Variants in SARDH observed in about 807,000 individuals in gnomAD.
SARDH encodes sarcosine dehydrogenase, mitochondrial.
In SARDH, 95 loss-of-function variants were observed where a neutral mutation model predicts 109.1. The ratio of observed to expected loss-of-function variants is 0.87; its 90% confidence interval spans 0.74 to 1.03. SARDH has a LOEUF of 1.03. SARDH is among the 50% of genes least tolerant of loss of function. The pLI is 0.00. For missense variants in SARDH, 1,267 were observed against 1,287.8 expected (o/e 0.98, Z 0.25); for synonymous variants, 572 against 534.8 (o/e 1.07, Z -0.96).
intron 14 of SARDH, among the ~76,000 whole-genome samples, chr9:133,694,706 C>T (rs1429514730): frequency 6.6e-6 from 1 of 152,178 alleles, no homozygotes; most frequent in Non-Finnish European, 1.5e-5. Flanking sequence ...AGGATTCATG[C>T]CCCCCGTTCA....
intron 6 of SARDH, among the ~76,000 whole-genome samples, chr9:133,723,967 A>G (rs1832408177): frequency 6.6e-6 from 1 of 152,230 alleles, no homozygotes; most frequent in African/African-American, 2.4e-5. Context: ...AGGCATAAGT[A>G]TAAGAGCTAA....
At chr9:133,660,415 G>A (rs1274488519), downstream of SARDH, among the ~76,000 whole-genome samples, 2 of 152,104 alleles carry the variant, frequency 1.3e-5, no homozygotes, top group African/African-American at 4.8e-5. Flanking sequence ...TAGGAAACAG[G>A]AATTTCCCCA....
chr9:133,708,277 G>A lies in SARDH; in HGVS notation c.1470+10C>T. On this transcript the variant is annotated intron_variant, in intron 11 of 20. Transcript: ENST00000439388. ...CTGCCAGTCCCCAGCAGGAGCTGTA[G>A]GGGCGTTACCTCGTGCAGCGGGTCT... 7.5e-6 allele frequency: 12 copies of A among 1,610,068 alleles called. No individual in the cohort carries two copies. Among genetic ancestry groups the A allele is most frequent in the Non-Finnish European group, 1.0e-5 (12 of 1,178,194 alleles).
At position 133,670,734 on chromosome 9, in the gene SARDH, G is replaced by C. The variant is rs141409671; in HGVS notation, c.2345C>G (p.Ala782Gly). Residue 782 changes from alanine (A) to glycine (G), a missense_variant, in exon 19 of 21, where the codon GCG (alanine) becomes GGG (glycine). Ala to Gly is a moderately conservative substitution (Grantham distance 60). Coordinates refer to ENST00000439388, the MANE Select transcript of SARDH (RefSeq NM_001134707.2). ...SIEKGYRHWH[A>G]DLRPDDSPLE... ...GGGGCTGTCGTCTGGCCGCAGGTCC[G>C]CGTGCCAGTGCCGGTAGCCTGTGGG... is the stretch of plus-strand genomic sequence containing the variant. The C allele has an allele frequency of 5.0e-6, 8 of 1,585,764 alleles. No homozygotes were observed. The highest frequency in any genetic ancestry group is 4.6e-5 in the South Asian group (4 of 86,628).
At chr9:133,689,698 C>T (rs2519070) in intron 16 of SARDH, among the ~76,000 whole-genome samples, 56,917 of 151,916 alleles carry the variant, frequency 0.37, 10,889 homozygotes, top group Middle Eastern at 0.46. Flanking sequence ...AGGTGCTCCA[C>T]TGGTGGCTGC....
Position 133,734,021 on chromosome 9 carries a change from G to A in SARDH, c.153C>T (p.Gly51=), listed in dbSNP as rs149534547. 18 of 1,613,098 alleles carry A rather than the reference G, an allele frequency of 1.1e-5. No individual in the cohort carries two copies. In the African/African-American group the frequency reaches 2.3e-4, roughly 20 times the overall value. The stretch of plus-strand genomic sequence containing the variant: ...TTGGGCCTTGGGCCACCACCGAGGT[G>A]CCCTGTCCCTCCTTCAGGGTCCGCT... The part of the protein sequence containing the change: ...PYQRTLKEGQ[G]TSVVAQGPSR... The change falls in exon 2 of 21, where the codon GGC becomes GGT. Residue 51 remains glycine, a synonymous_variant. Coordinates refer to ENST00000439388, the MANE Select transcript of SARDH (RefSeq NM_001134707.2).
intron 3 of SARDH, among the ~76,000 whole-genome samples, chr9:133,731,719 G>C (rs915680698): frequency 6.6e-6 from 1 of 152,264 alleles, no homozygotes; most frequent in Non-Finnish European, 1.5e-5. Flanking sequence ...ACCCTCGCCA[G>C]CTGTGTGACC....
chr9:133,723,123 G>C (rs1832382157), intron 6 of SARDH, among the ~76,000 whole-genome samples: 1 of 152,100 alleles, frequency 6.6e-6, no homozygotes, highest in African/African-American at 2.4e-5. Context: ...ACTTTCGAAA[G>C]AAATTAAAGA....
At chr9:133,672,765 G>A (rs1250970857) in intron 17 of SARDH, among the ~76,000 whole-genome samples, 3 of 152,238 alleles carry the variant, frequency 2.0e-5, no homozygotes, top group Non-Finnish European at 4.4e-5. Flanking sequence ...CAAGACCCCT[G>A]CCTGGGACGC....
rs190304106 is a variant in SARDH, at chr9:133,732,316, A to T, written c.510+107T>A. The T allele has an allele frequency of 5.3e-3, 2,956 of 559,738 alleles. 21 individuals carry two copies. Among genetic ancestry groups the T allele is most frequent in the Non-Finnish European group, 6.7e-3 (2,494 of 370,332 alleles). The allele number at this position is 559,738 out of a possible 1,614,324, so 34.7% of individuals were successfully genotyped here. A position where few individuals can be genotyped will look rare whatever the true frequency, so the allele number is the denominator to read the frequency against. ...CCAGCGTACCTCCACCCTCACAGGG[A>T]GCCCACCCTACCCCCCCACAGGGGG... On this transcript the variant is annotated intron_variant, in intron 3 of 20. Transcript: ENST00000439388.
At chr9:133,661,633 C>T (rs1452265405), downstream of SARDH, among the ~76,000 whole-genome samples, 1 of 152,076 alleles carries the variant, frequency 6.6e-6, no homozygotes, top group African/African-American at 2.4e-5. Flanking sequence ...AGGCGTGTGC[C>T]ACCACGCCCA....
At chr9:133,711,766 C>A (rs1012121594) in intron 10 of SARDH, among the ~76,000 whole-genome samples, 11 of 152,312 alleles carry the variant, frequency 7.2e-5, no homozygotes, top group African/African-American at 2.6e-4. Context: ...CAGCCGGGAG[C>A]AGAGTGGGCT....
chr9:133,731,497 AG>A lies in SARDH; in HGVS notation c.511-14del, dbSNP rs751148383. The A allele has an allele frequency of 8.1e-6, 13 of 1,613,434 alleles. No individual in the cohort carries two copies. The Middle Eastern group carries it at 4.9e-4, about 61-fold the overall frequency. The stretch of plus-strand genomic sequence containing the variant: ...ACGCCTTGCCCAGCTAGGGGGACCC[AG>A]GGGAGGTTAACTGAGTCCGTGGGGA... On this transcript the variant is annotated splice_polypyrimidine_tract_variant and intron_variant, in intron 3 of 20. Transcript: ENST00000439388.
intron 17 of SARDH, among the ~76,000 whole-genome samples, chr9:133,676,598 G>C (rs1028407957): frequency 2.6e-5 from 4 of 152,238 alleles, no homozygotes; most frequent in Admixed American, 2.6e-4. Flanking sequence ...GGGAGGCCGG[G>C]GGGTGTAGAC....
chr9:133,663,504 G>A, downstream of SARDH: 1 of 259,472 alleles, frequency 3.9e-6, no homozygotes, highest in South Asian at 1.3e-4. Context: ...CCCCAGGGAA[G>A]CCCGCCACCG....
At chr9:133,731,211 A>G (rs1832667971) in intron 4 of SARDH, 94 bp downstream of exon 4, 1 of 1,490,862 alleles carries the variant, frequency 6.7e-7, no homozygotes, top group Admixed American at 2.0e-5. Flanking sequence ...CAGTCAGAGA[A>G]TGGCTCTTGT....
chr9:133,713,739 G>A (rs1222048764), intron 8 of SARDH, among the ~76,000 whole-genome samples: 3 of 152,250 alleles, frequency 2.0e-5, no homozygotes, highest in Non-Finnish European at 2.9e-5. Flanking sequence ...CCACAGTCCT[G>A]GATTCAAAAC....
Position 133,680,635 on chromosome 9 carries a change from G to A in SARDH, c.2163+4558C>T, listed in dbSNP as rs796327615. Among the ~76,000 whole-genome samples, 19 of 152,336 alleles carry A rather than the reference G, an allele frequency of 1.2e-4. No homozygotes were observed. The South Asian group carries it at 1.4e-3, about 12-fold the overall frequency. ...TGAGGACAGGATTCCTGGCCGCTCC[G>A]TCCTCCACACGCTCCTCGAGTCCCC... On this transcript the variant is annotated intron_variant, in intron 17 of 20. Transcript: ENST00000439388.
Position 133,734,109 on chromosome 9 carries a change from C to A in SARDH, c.65G>T (p.Gly22Val), listed in dbSNP as rs770270417. 12 of 1,611,984 alleles carry A rather than the reference C, an allele frequency of 7.4e-6. 1 individual carries two copies. In the South Asian group the frequency reaches 1.1e-4, roughly 15 times the overall value. The change falls in exon 2 of 21, where the codon GGC (glycine) becomes GTC (valine). Residue 22 changes from glycine to valine, a missense_variant. Physicochemically the swap from Gly to Val is moderately radical, Grantham distance 109. Transcript: ENST00000439388. The part of the protein sequence containing the change: ...AAHPRQSPTR[G>V]MGPCNLSSAA... ...GCTGGACAGGTTGCATGGCCCCATG[C>A]CCCGGGTAGGGCTCTGGCGAGGGTG...
Sources: gnomAD v4.1 joint callset for allele counts (sites outside exome capture counted in the v4.1 genomes callset) on GRCh38, gnomAD v4.1.1 for gene constraint, MANE v1.5 for transcripts, NCBI Gene and HGNC (gene_info 2026-07-23, HGNC 2026-07-21) for gene names.